Variants in CSNK1G1 observed in about 807,000 individuals in gnomAD.
The protein encoded by CSNK1G1 is casein kinase 1 gamma 1.
Under a neutral mutation model 59.6 loss-of-function variants are expected in CSNK1G1, and 22 were observed. The ratio of observed to expected loss-of-function variants is 0.37; its 90% confidence interval spans 0.26 to 0.53. The LOEUF is 0.53. CSNK1G1 is among the 20% of genes least tolerant of loss of function. CSNK1G1 has a pLI of 0.89. For missense variants in CSNK1G1, 384 were observed against 519.5 expected (o/e 0.74, Z 2.54); for synonymous variants, 179 against 177.1 (o/e 1.01, Z -0.08).
At chr15:64,264,454 A>G (rs1892873319) in intron 2 of CSNK1G1, among the ~76,000 whole-genome samples, 1 of 152,230 alleles carries the variant, frequency 6.6e-6, no homozygotes, top group African/African-American at 2.4e-5. Context: ...CATTGAAAGA[A>G]AAAATATAAA....
intron 4 of CSNK1G1, among the ~76,000 whole-genome samples, chr15:64,250,625 G>A (rs370219960): frequency 9.2e-5 from 14 of 152,166 alleles, no homozygotes; most frequent in South Asian, 6.2e-4. Flanking sequence ...CATGCCTACA[G>A]TACCAGCTAC....
chr15:64,211,071 G>A (rs1403436769), intron 6 of CSNK1G1, among the ~76,000 whole-genome samples: 1 of 152,128 alleles, frequency 6.6e-6, no homozygotes, highest in Non-Finnish European at 1.5e-5. Context: ...GCAGAACCCT[G>A]AGCCAAATTT....
chr15:64,285,739 T>C (rs975021103), intron 2 of CSNK1G1, among the ~76,000 whole-genome samples: 7 of 152,180 alleles, frequency 4.6e-5, no homozygotes, highest in African/African-American at 1.7e-4. Flanking sequence ...TACTATTCTT[T>C]AGCTATGAAC....
At chr15:64,310,096 G>C (rs1266338184) in intron 1 of CSNK1G1, among the ~76,000 whole-genome samples, 2 of 152,082 alleles carry the variant, frequency 1.3e-5, no homozygotes, top group Admixed American at 6.5e-5. Context: ...CTGGGAGACA[G>C]AGAGACCCTG....
chr15:64,302,200 C>A (rs762330505), intron 1 of CSNK1G1, among the ~76,000 whole-genome samples: 10 of 152,028 alleles, frequency 6.6e-5, no homozygotes, highest in Admixed American at 6.6e-4. Context: ...CCCAGGTTCA[C>A]GCGATTCTCC....
chr15:64,224,511 A>G (rs2082431347), intron 4 of CSNK1G1, among the ~76,000 whole-genome samples: 1 of 152,244 alleles, frequency 6.6e-6, no homozygotes, highest in Admixed American at 6.5e-5. Flanking sequence ...AATACGTAGT[A>G]TATCTTTTTT....
chr15:64,212,597 C>T (rs2082262009), intron 6 of CSNK1G1, among the ~76,000 whole-genome samples: 1 of 152,120 alleles, frequency 6.6e-6, no homozygotes, highest in Non-Finnish European at 1.5e-5. Context: ...GCGCCTGTAA[C>T]CCTAGCTACT....
At chr15:64,258,696 G>T (rs1282520194) in intron 3 of CSNK1G1, among the ~76,000 whole-genome samples, 1 of 152,028 alleles carries the variant, frequency 6.6e-6, no homozygotes, top group Admixed American at 6.5e-5. Flanking sequence ...TCTATGACTA[G>T]TTTAATTATT....
chr15:64,342,364 C>G (rs1212337837), intron 1 of CSNK1G1, among the ~76,000 whole-genome samples: 1 of 152,212 alleles, frequency 6.6e-6, no homozygotes, highest in Non-Finnish European at 1.5e-5. Flanking sequence ...TATGTAAACT[C>G]TCAATAAATT....
At chr15:64,355,042 G>T (rs1339824773) in intron 1 of CSNK1G1, among the ~76,000 whole-genome samples, 1 of 152,094 alleles carries the variant, frequency 6.6e-6, no homozygotes, top group African/African-American at 2.4e-5. Context: ...AAATGAAGAG[G>T]ATCTTTCTAC....
chr15:64,196,278 G>A (rs1216530546), intron 10 of CSNK1G1, among the ~76,000 whole-genome samples: 1 of 152,098 alleles, frequency 6.6e-6, no homozygotes, highest in Admixed American at 6.5e-5. Flanking sequence ...CAATATATGT[G>A]AGTTTAAATG....
At chr15:64,224,898 A>G (rs943269877) in intron 4 of CSNK1G1, among the ~76,000 whole-genome samples, 2 of 152,222 alleles carry the variant, frequency 1.3e-5, no homozygotes, top group Non-Finnish European at 2.9e-5. Context: ...CTTGAGCCTT[A>G]AAGCAGGCTT....
chr15:64,220,560 G>A (rs2082375383), intron 4 of CSNK1G1, among the ~76,000 whole-genome samples: 1 of 150,392 alleles, frequency 6.6e-6, no homozygotes, highest in South Asian at 2.1e-4. Flanking sequence ...GCAGTTGCAT[G>A]ATCTTAGATC....
rs114407065 is a variant in CSNK1G1, at chr15:64,224,853, C to T, written c.293-8140G>A. ...CCGAGCCACAGACATTGAGCTTTAACAGTGTCTCTATTACATACACATAAT... is the reference window on the plus strand; with the variant it reads ...CCGAGCCACAGACATTGAGCTTTAATAGTGTCTCTATTACATACACATAAT... On this transcript the variant is annotated intron_variant, in intron 4 of 11. Transcript: ENST00000303052. Among the ~76,000 whole-genome samples the T allele has an allele frequency of 8.3e-3, 1,258 of 152,238 alleles. 17 individuals carry two copies. Among genetic ancestry groups the T allele is most frequent in the African/African-American group, 0.028 (1,179 of 41,526 alleles).
rs796545861 is a variant in CSNK1G1, at chr15:64,341,233, T to C, written c.-225+14755A>G. Among the ~76,000 whole-genome samples, 2 of 37,400 alleles carry C rather than the reference T, an allele frequency of 5.3e-5. 1 individual carries two copies. The highest frequency in any genetic ancestry group is 1.5e-4 in the Non-Finnish European group (2 of 13,272). The allele number at this position is 37,400 out of a possible 152,430, so 24.5% of individuals were successfully genotyped here. On this transcript the variant is annotated intron_variant, in intron 1 of 11. Transcript: ENST00000303052. ...TGTTAGCCAGGATGGTCTCAATCTC[T>C]TGACCTCATGATCCACCCGCCTCGG...
rs1330700281 is a variant in CSNK1G1, at chr15:64,165,966, G to A, written c.*5965C>T. ...CTAATGGTGCACAAATATCTCTCCT[G>A]GAGGAACCATTTCAAATACACTTGA... On this transcript the variant is annotated 3_prime_UTR_variant, in exon 12 of 12. Transcript: ENST00000303052. 2 of 653,998 alleles carry A rather than the reference G, an allele frequency of 3.1e-6. No individual in the cohort carries two copies. Among genetic ancestry groups the A allele is most frequent in the Non-Finnish European group, 5.4e-6 (2 of 367,628 alleles). 40.5% of individuals were successfully genotyped at this position (653,998 alleles called of 1,614,324 possible).
intron 2 of CSNK1G1, among the ~76,000 whole-genome samples, chr15:64,289,836 A>G (rs1420884436): frequency 6.6e-6 from 1 of 152,222 alleles, no homozygotes; most frequent in Non-Finnish European, 1.5e-5. Context: ...AAGACATACA[A>G]ATGACTTCAT....
intron 4 of CSNK1G1, among the ~76,000 whole-genome samples, chr15:64,237,611 T>C (rs2082633342): frequency 1.3e-5 from 2 of 152,232 alleles, no homozygotes; most frequent in Admixed American, 1.3e-4. Flanking sequence ...TCTTGAATTC[T>C]TGTATTCTGT....
chr15:64,302,113 A>AT (rs1267480862), intron 1 of CSNK1G1, among the ~76,000 whole-genome samples: 1 of 152,000 alleles, frequency 6.6e-6, no homozygotes, highest in African/African-American at 2.4e-5. Context: ...TTATTTATTT[A>AT]TTTTTGAGAT....
Sources: gnomAD v4.1 joint callset for allele counts (sites outside exome capture counted in the v4.1 genomes callset) on GRCh38, gnomAD v4.1.1 for gene constraint, MANE v1.5 for transcripts, NCBI Gene and HGNC (gene_info 2026-07-23, HGNC 2026-07-21) for gene names.